The following GRID1 variants were observed in gnomAD, a reference collection of about 807,000 sequenced individuals.
GRID1 encodes glutamate ionotropic receptor delta type subunit 1.
Under a neutral mutation model 98.0 loss-of-function variants are expected in GRID1, and 28 were observed. The observed-to-expected ratio is 0.29, with a 90% CI of 0.21 to 0.39. The LOEUF (loss-of-function observed/expected upper bound fraction) is 0.39, where lower values mean the gene tolerates loss of function less well. Ranked by LOEUF, GRID1 falls within the 10% of genes least tolerant of loss-of-function variation. The pLI is 1.00. For synonymous variants in GRID1, 553 were observed against 538.5 expected, an observed-to-expected ratio of 1.03 and a Z score of -0.37; for missense variants, 1,111 against 1,340.5, an observed-to-expected ratio of 0.83 and a Z score of 2.67.
intron 8 of GRID1, among the ~76,000 whole-genome samples, chr10:85,834,360 T>C (rs1842894945): frequency 6.6e-6 from 1 of 152,194 alleles, no homozygotes; most frequent in Admixed American, 6.5e-5. Flanking sequence ...CCATAAATTC[T>C]GTCTGTCTTT....
rs529486474 is a variant in GRID1, at chr10:85,707,306, G to A, written c.1997+15697C>T. ...AATCCCATCAAAAAGTGGGCTAAAG[G>A]ATATGAACAGACACTTCTCAAAAGA... is the stretch of plus-strand genomic sequence containing the variant. On this transcript the variant is annotated intron_variant, in intron 12 of 15. Transcript: ENST00000327946. 4.6e-5 allele frequency among the ~76,000 whole-genome samples: 7 copies of A among 152,162 alleles called. No homozygotes were observed. The South Asian group carries it at 1.5e-3, about 32-fold the overall frequency.
intron 4 of GRID1, among the ~76,000 whole-genome samples, chr10:86,051,863 T>C (rs1048029692): frequency 1.3e-5 from 2 of 152,258 alleles, no homozygotes; most frequent in African/African-American, 4.8e-5. Context: ...ACAACCCTTC[T>C]GGAAGAGAAT....
At chr10:86,358,054 A>G (rs1305775579) in intron 2 of GRID1, among the ~76,000 whole-genome samples, 1 of 152,102 alleles carries the variant, frequency 6.6e-6, no homozygotes, top group Non-Finnish European at 1.5e-5. Context: ...TCCTCCAGGA[A>G]CTTCCTTATG....
At chr10:85,670,326 G>A (rs868561796) in intron 12 of GRID1, among the ~76,000 whole-genome samples, 1 of 152,280 alleles carries the variant, frequency 6.6e-6, no homozygotes, top group Middle Eastern at 3.4e-3. Flanking sequence ...CCAATGCTGA[G>A]ACTTGCATTA....
rs576352405 is a variant in GRID1 at position 85,890,817 on chromosome 10, G to C, written c.781-21637C>G. The stretch of plus-strand genomic sequence containing the variant: ...GAAAAAGGGAGAGGGGAGAAAATGA[G>C]TTATTTAGAATTACACACACATACA... On this transcript the variant is annotated intron_variant, in intron 5 of 15. Coordinates refer to ENST00000327946, the MANE Select transcript of GRID1 (RefSeq NM_017551.3). Among the ~76,000 whole-genome samples, 212 of 152,098 alleles carry C rather than the reference G, an allele frequency of 1.4e-3. 1 individual carries two copies. Among genetic ancestry groups the C allele is most frequent in the African/African-American group, 4.9e-3 (202 of 41,504 alleles).
At chr10:86,243,685 GTATA>G (rs1846673551) in intron 2 of GRID1, among the ~76,000 whole-genome samples, 1 of 152,204 alleles carries the variant, frequency 6.6e-6, no homozygotes, top group Admixed American at 6.5e-5. Context: ...GCTGCTGCCA[GTATA>G]CAGACGAGGA....
At chr10:86,123,466 T>G (rs893922407) in intron 4 of GRID1, among the ~76,000 whole-genome samples, 3 of 152,136 alleles carry the variant, frequency 2.0e-5, no homozygotes, top group Non-Finnish European at 2.9e-5. Flanking sequence ...GTGGAACACA[T>G]GCAAACTCTG....
At chr10:85,884,210 T>A (rs550880298) in intron 5 of GRID1, among the ~76,000 whole-genome samples, 1 of 152,282 alleles carries the variant, frequency 6.6e-6, no homozygotes, top group Admixed American at 6.5e-5. Context: ...TTGGTCATTT[T>A]TCCTTTTGTG....
intron 4 of GRID1, among the ~76,000 whole-genome samples, chr10:86,103,757 A>T (rs1844336643): frequency 6.6e-6 from 1 of 152,222 alleles, no homozygotes; most frequent in Admixed American, 6.5e-5. Flanking sequence ...TAGCAAGGAC[A>T]GAGGGTAAGG....
chr10:86,044,030 C>T (rs557002399), intron 4 of GRID1, among the ~76,000 whole-genome samples: 18 of 152,098 alleles, frequency 1.2e-4, no homozygotes, highest in Non-Finnish European at 2.5e-4. Flanking sequence ...TATATAATAC[C>T]AGTTTTACAT....
At chr10:86,253,897 C>T (rs1846874601) in intron 2 of GRID1, among the ~76,000 whole-genome samples, 1 of 152,196 alleles carries the variant, frequency 6.6e-6, no homozygotes, top group African/African-American at 2.4e-5. Flanking sequence ...CCTTCCCTCA[C>T]CTCAGGTATG....
intron 12 of GRID1, among the ~76,000 whole-genome samples, chr10:85,698,407 A>C (rs1291500186): frequency 6.6e-6 from 1 of 152,224 alleles, no homozygotes; most frequent in Non-Finnish European, 1.5e-5. Context: ...TGTTATTAAA[A>C]ATCCATACAT....
chr10:85,660,337 C>T (rs1840951084), intron 12 of GRID1, among the ~76,000 whole-genome samples: 1 of 152,202 alleles, frequency 6.6e-6, no homozygotes, highest in Non-Finnish European at 1.5e-5. Flanking sequence ...GATAACTCTG[C>T]CAGTATTCAA....
intron 13 of GRID1, among the ~76,000 whole-genome samples, chr10:85,644,766 T>C (rs1429858365): frequency 6.6e-6 from 1 of 152,220 alleles, no homozygotes. Flanking sequence ...TCCAAAGTGA[T>C]TGTACTGAGC....
At chr10:86,201,595 A>G (rs563259909) in intron 3 of GRID1, among the ~76,000 whole-genome samples, 6 of 152,138 alleles carry the variant, frequency 3.9e-5, no homozygotes, top group Admixed American at 1.3e-4. Flanking sequence ...TACTAGGCTT[A>G]CTGTCTTGGT....
At chr10:85,740,278 G>A (rs2132672001) in intron 8 of GRID1, among the ~76,000 whole-genome samples, 1 of 152,272 alleles carries the variant, frequency 6.6e-6, no homozygotes, top group Non-Finnish European at 1.5e-5. Flanking sequence ...GTGTCTTCAT[G>A]TGTTGCAAGT....
At chr10:86,294,991 T>C (rs912929184) in intron 2 of GRID1, among the ~76,000 whole-genome samples, 5 of 152,012 alleles carry the variant, frequency 3.3e-5, no homozygotes, top group Admixed American at 6.6e-5. Context: ...AGGACTGAGA[T>C]TGGGCCACTG....
At chr10:85,626,856 G>T (rs993617429) in intron 13 of GRID1, among the ~76,000 whole-genome samples, 2 of 152,200 alleles carry the variant, frequency 1.3e-5, no homozygotes, top group African/African-American at 4.8e-5. Flanking sequence ...TGGGAGTGTG[G>T]CTGGCGTGAT....
chr10:85,800,305 C>G (rs538617278), intron 8 of GRID1, among the ~76,000 whole-genome samples: 57 of 151,918 alleles, frequency 3.8e-4, no homozygotes, highest in Non-Finnish European at 7.4e-4. Context: ...AATATAAAAA[C>G]ACACATCATT....
Sources: allele counts gnomAD v4.1 joint callset (sites outside exome capture counted in the v4.1 genomes callset), GRCh38; gene constraint gnomAD v4.1.1; transcripts MANE v1.5; gene names NCBI Gene and HGNC (gene_info 2026-07-23, HGNC 2026-07-21).